SLC1A1: variants seen among roughly 807,000 people sequenced by gnomAD.
SLC1A1 encodes the protein excitatory amino acid transporter 3.
SLC1A1 carries 43 observed loss-of-function variants against 53.3 expected under a neutral mutation model. The observed-to-expected ratio is 0.81, with a 90% CI of 0.63 to 1.04. The LOEUF (loss-of-function observed/expected upper bound fraction) is 1.04, where lower values mean the gene tolerates loss of function less well. SLC1A1 is among the 50% of genes least tolerant of loss of function. SLC1A1 has a pLI of 0.00. For synonymous variants in SLC1A1, 307 were observed against 243.2 expected (o/e 1.26, Z -2.44); for missense variants, 748 against 664.9 (o/e 1.12, Z -1.37).
At chr9:4,491,185 TTGAG>T (rs1177546942) in intron 1 of SLC1A1, among the ~76,000 whole-genome samples, 3 of 152,140 alleles carry the variant, frequency 2.0e-5, no homozygotes, top group African/African-American at 7.2e-5. Context: ...CGGGCAGAGA[TTGAG>T]TGTGGATTAC....
At chr9:4,500,226 T>G (rs1820584761) in intron 1 of SLC1A1, among the ~76,000 whole-genome samples, 1 of 152,176 alleles carries the variant, frequency 6.6e-6, no homozygotes, top group African/African-American at 2.4e-5. Flanking sequence ...AATGAACTCA[T>G]TTTAGATGAC....
intron 1 of SLC1A1, among the ~76,000 whole-genome samples, chr9:4,531,117 C>T (rs1315863922): frequency 1.3e-5 from 2 of 152,194 alleles, no homozygotes; most frequent in Non-Finnish European, 2.9e-5. Flanking sequence ...CAGTCTACAG[C>T]TCCCAGCGTG....
intron 1 of SLC1A1, among the ~76,000 whole-genome samples, chr9:4,506,998 G>A (rs896364969): frequency 6.6e-6 from 1 of 152,142 alleles, no homozygotes; most frequent in East Asian, 1.9e-4. Flanking sequence ...TCGGGAGGCC[G>A]AGGTGTGTGA....
At chr9:4,535,897 A>G (rs1474830842) in intron 1 of SLC1A1, among the ~76,000 whole-genome samples, 1 of 152,198 alleles carries the variant, frequency 6.6e-6, no homozygotes, top group African/African-American at 2.4e-5. Flanking sequence ...CTACCTATCT[A>G]CAACCATCTG....
intron 1 of SLC1A1, among the ~76,000 whole-genome samples, chr9:4,497,414 C>A (rs867391157): frequency 6.6e-6 from 1 of 152,124 alleles, no homozygotes; most frequent in Non-Finnish European, 1.5e-5. Flanking sequence ...AATTCAGGAA[C>A]CCTAAGGGAA....
Position 4,556,373 on chromosome 9 carries a change from A to C in SLC1A1, c.233-5076A>C, listed in dbSNP as rs942479995. On this transcript the variant is annotated intron_variant, in intron 2 of 11. Transcript: ENST00000262352. The surrounding 1 kb of genome is among the most constrained non-coding windows in gnomAD (Gnocchi z 4.1). ...AATAAAGTTACTGTCCAATTACTAT[A>C]AACATTTTAAATACTCACTGTTGAT... is the stretch of plus-strand genomic sequence containing the variant. Among the ~76,000 whole-genome samples, 1 of 152,176 alleles carries C rather than the reference A, an allele frequency of 6.6e-6. No individual in the cohort carries two copies. The highest frequency in any genetic ancestry group is 1.5e-5 in the Non-Finnish European group (1 of 68,034).
chr9:4,531,949 C>A (rs1816487873), intron 1 of SLC1A1, among the ~76,000 whole-genome samples: 1 of 152,200 alleles, frequency 6.6e-6, no homozygotes, highest in African/African-American at 2.4e-5. Flanking sequence ...CAAAGAGGGT[C>A]TGGAGTGGAC....
At chr9:4,514,583 A>G (rs1468984792) in intron 1 of SLC1A1, among the ~76,000 whole-genome samples, 2 of 151,996 alleles carry the variant, frequency 1.3e-5, no homozygotes, top group Admixed American at 6.6e-5. Flanking sequence ...GAGCAGAGGG[A>G]GCAATAAATA....
At position 4,564,355 on chromosome 9, in the gene SLC1A1, G is replaced by T; in HGVS notation, c.337G>T (p.Val113Leu). The T allele has an allele frequency of 6.2e-7, 1 of 1,612,854 alleles. No homozygotes were observed. Among genetic ancestry groups the T allele is most frequent in the Non-Finnish European group, 8.5e-7 (1 of 1,179,202 alleles). ...GTTCTTGGCCACAGGTATTGTGCTG[G>T]TGGTGAGCATCAAGCCTGGTGTCAC... Reference protein sequence around the residue: ...LIAVILGIVLVVSIKPGVTQK... With the variant: ...LIAVILGIVLLVSIKPGVTQK... The change falls in exon 4 of 12, where the codon GTG becomes TTG. Residue 113 changes from valine (V) to leucine (L), a missense_variant. By Grantham distance (32) the Val-to-Leu change is conservative. Coordinates refer to ENST00000262352, the MANE Select transcript of SLC1A1 (RefSeq NM_004170.6).
At chr9:4,511,596 C>T (rs1446911095) in intron 1 of SLC1A1, among the ~76,000 whole-genome samples, 2 of 151,128 alleles carry the variant, frequency 1.3e-5, no homozygotes, top group African/African-American at 4.9e-5. Flanking sequence ...CACACACACA[C>T]ACACTACACT....
At chr9:4,495,171 T>A (rs1032755453) in intron 1 of SLC1A1, among the ~76,000 whole-genome samples, 1 of 152,222 alleles carries the variant, frequency 6.6e-6, no homozygotes, top group Non-Finnish European at 1.5e-5. Context: ...TCCCGCTTTG[T>A]CTGTGAAGCC....
rs951694072 is a variant in SLC1A1 at position 4,526,727 on chromosome 9, A to T, written c.92-17840A>T. Among the ~76,000 whole-genome samples, 138 of 152,272 alleles carry T rather than the reference A, an allele frequency of 9.1e-4. 1 individual carries two copies. Among genetic ancestry groups the T allele is most frequent in the African/African-American group, 3.2e-3 (133 of 41,556 alleles). On this transcript the variant is annotated intron_variant, in intron 1 of 11. Transcript: ENST00000262352. Reference sequence around the variant, plus strand: ...GAATTCTAACAAAATTACAATTAAGAAATAAAGTTAATGCCAGTGTTGCAT... The same window carrying T: ...GAATTCTAACAAAATTACAATTAAGTAATAAAGTTAATGCCAGTGTTGCAT...
intron 1 of SLC1A1, among the ~76,000 whole-genome samples, chr9:4,508,842 T>C (rs1820895834): frequency 6.6e-6 from 1 of 152,140 alleles, no homozygotes; most frequent in South Asian, 2.1e-4. Flanking sequence ...GCAGCAGGTG[T>C]CAATCAAACA....
chr9:4,525,689 G>T (rs1374309366), intron 1 of SLC1A1, among the ~76,000 whole-genome samples: 1 of 152,142 alleles, frequency 6.6e-6, no homozygotes, highest in African/African-American at 2.4e-5. Context: ...ACTTAGAGTG[G>T]AATTAAAAAT....
At chr9:4,543,181 C>A (rs192456203) in intron 1 of SLC1A1, among the ~76,000 whole-genome samples, 51 of 152,242 alleles carry the variant, frequency 3.3e-4, no homozygotes, top group African/African-American at 1.1e-3. Context: ...TCTTTCATTG[C>A]CCTAGAGTTT....
intron 1 of SLC1A1, among the ~76,000 whole-genome samples, chr9:4,502,362 G>A (rs1165398044): frequency 8.8e-5 from 11 of 124,548 alleles, no homozygotes; most frequent in South Asian, 2.5e-4. Flanking sequence ...ACTCCTGCCC[G>A]GGTGATAGAA....
intron 7 of SLC1A1, among the ~76,000 whole-genome samples, chr9:4,573,302 CA>C (rs550552053): frequency 1.7e-3 from 254 of 152,276 alleles, no homozygotes; most frequent in Non-Finnish European, 2.7e-3. Flanking sequence ...GTAAAAATGG[CA>C]AGGCAGGTCA....
At chr9:4,539,577 T>A (rs1816832987) in intron 1 of SLC1A1, among the ~76,000 whole-genome samples, 1 of 152,104 alleles carries the variant, frequency 6.6e-6, no homozygotes, top group African/African-American at 2.4e-5. Flanking sequence ...ACTTATTTAT[T>A]TATTTATTTT....
intron 1 of SLC1A1, among the ~76,000 whole-genome samples, chr9:4,512,340 C>G (rs1435118035): frequency 6.6e-6 from 1 of 151,920 alleles, no homozygotes; most frequent in Non-Finnish European, 1.5e-5. Context: ...TGGCAAAACT[C>G]TACAAAAAAA....
Sources: allele counts gnomAD v4.1 joint callset (sites outside exome capture counted in the v4.1 genomes callset), GRCh38; gene constraint gnomAD v4.1.1; non-coding constraint Gnocchi (gnomAD v3.1); transcripts MANE v1.5; gene names NCBI Gene and HGNC (gene_info 2026-07-23, HGNC 2026-07-21).